The following ZMIZ1 variants were observed in gnomAD, a reference collection of about 807,000 sequenced individuals.
ZMIZ1 encodes zinc finger MIZ domain-containing protein 1.
Under a neutral mutation model 113.9 loss-of-function variants are expected in ZMIZ1, and 17 were observed. The observed-to-expected ratio is 0.15, with a 90% CI of 0.10 to 0.22. ZMIZ1 has a LOEUF of 0.22. Among genes scored for constraint, ZMIZ1 ranks in the 10% least tolerant of loss-of-function variants. The pLI is 1.00. For synonymous variants in ZMIZ1, 607 were observed against 603.1 expected, an observed-to-expected ratio of 1.01 and a Z score of -0.09; for missense variants, 1,059 against 1,477.8, an observed-to-expected ratio of 0.72 and a Z score of 4.65.
chr10:79,305,295 C>T (rs1854610550), intron 20 of ZMIZ1, 64 bp downstream of exon 20: 1 of 1,550,962 alleles, frequency 6.4e-7, no homozygotes, highest in Non-Finnish European at 8.9e-7. Flanking sequence ...GAGGGGCCAG[C>T]TACCTCCCAC....
intron 6 of ZMIZ1, among the ~76,000 whole-genome samples, chr10:79,210,822 T>C (rs2132691511): frequency 6.6e-6 from 1 of 152,144 alleles, no homozygotes; most frequent in South Asian, 2.1e-4. Flanking sequence ...GGGCAGGAGC[T>C]CTGAAGGGAG....
At chr10:79,236,005 C>T (rs1479887250) in intron 7 of ZMIZ1, among the ~76,000 whole-genome samples, 1 of 152,184 alleles carries the variant, frequency 6.6e-6, no homozygotes, top group African/African-American at 2.4e-5. Context: ...AAGAGGGAAA[C>T]AAGGGCCTCT....
intron 7 of ZMIZ1, among the ~76,000 whole-genome samples, chr10:79,243,389 A>G (rs76109311): frequency 0.63 from 93,514 of 149,266 alleles, 29,564 homozygotes; most frequent in East Asian, 0.8. Flanking sequence ...GCCTCCGCCT[A>G]TGATTGGCTT....
At chr10:79,261,544 G>A (rs12762812) in intron 7 of ZMIZ1, among the ~76,000 whole-genome samples, 13,373 of 152,200 alleles carry the variant, frequency 0.088, 1,021 homozygotes, top group African/African-American at 0.2. Context: ...TCTGTCCCTC[G>A]CCTACCTGGG....
At chr10:79,085,883 G>A (rs899029481) in intron 1 of ZMIZ1, among the ~76,000 whole-genome samples, 1 of 152,150 alleles carries the variant, frequency 6.6e-6, no homozygotes, top group Admixed American at 6.5e-5. Context: ...TCTAGGGTTG[G>A]AGTTGGATGA....
At chr10:79,216,848 C>T (rs923001679) in intron 7 of ZMIZ1, among the ~76,000 whole-genome samples, 1 of 152,248 alleles carries the variant, frequency 6.6e-6, no homozygotes, top group Non-Finnish European at 1.5e-5. Context: ...GCAACTTTGT[C>T]ATCACCTGCG....
chr10:79,169,927 G>T (rs1846530260), intron 4 of ZMIZ1, among the ~76,000 whole-genome samples: 1 of 152,166 alleles, frequency 6.6e-6, no homozygotes, highest in Non-Finnish European at 1.5e-5. Context: ...TGTTAGCTCT[G>T]GACCCAGACA....
At chr10:79,302,563 G>A (rs201255523) in intron 18 of ZMIZ1, among the ~76,000 whole-genome samples, 1 of 63,486 alleles carries the variant, frequency 1.6e-5, no homozygotes, top group Non-Finnish European at 4.2e-5. Context: ...CCTGGAGGAG[G>A]TGATGACCTG....
chr10:79,102,993 A>G (rs1260102968), intron 1 of ZMIZ1, among the ~76,000 whole-genome samples: 2 of 152,214 alleles, frequency 1.3e-5, no homozygotes, highest in Non-Finnish European at 2.9e-5. Flanking sequence ...GCTGGGGAAC[A>G]CAGAAGGACA....
At chr10:79,132,160 T>A (rs2132376978) in intron 2 of ZMIZ1, among the ~76,000 whole-genome samples, 1 of 152,312 alleles carries the variant, frequency 6.6e-6, no homozygotes, top group South Asian at 2.1e-4. Context: ...TCTCTGAGCT[T>A]TCTAATGACC....
rs1415516004 is a variant in ZMIZ1, at chr10:79,293,215, T to A, written c.958-166T>A. 4 of 802,492 alleles carry A rather than the reference T, an allele frequency of 5.0e-6. No individual in the cohort carries two copies. The African/African-American group carries it at 7.8e-5, about 16-fold the overall frequency. The allele number at this position is 802,492 out of a possible 1,614,324, so 49.7% of individuals were successfully genotyped here. ...GAGGGCAGCAGTGAGCCTGGGTGGA[T>A]CCTGCTCCCCTGGGGCCTGGTTGGT... On this transcript the variant is annotated intron_variant, in intron 11 of 24. Coordinates refer to ENST00000334512, the MANE Select transcript of ZMIZ1 (RefSeq NM_020338.4).
chr10:79,201,802 C>T, intron 5 of ZMIZ1, 110 bp downstream of exon 5: 1 of 1,206,910 alleles, frequency 8.3e-7, no homozygotes, highest in Non-Finnish European at 1.2e-6. Flanking sequence ...TCCTGACCAC[C>T]TACCTATCGA....
chr10:79,072,760 C>G (rs529138064), intron 1 of ZMIZ1, among the ~76,000 whole-genome samples: 1 of 152,236 alleles, frequency 6.6e-6, no homozygotes, highest in Non-Finnish European at 1.5e-5. Context: ...GTCACTGCTG[C>G]CTGGTCTTTA....
At chr10:79,079,224 G>C (rs1169196186) in intron 1 of ZMIZ1, among the ~76,000 whole-genome samples, 3 of 152,244 alleles carry the variant, frequency 2.0e-5, no homozygotes, top group Non-Finnish European at 4.4e-5. Flanking sequence ...CATGTCCCTA[G>C]AGACAGGCCC....
intron 8 of ZMIZ1, among the ~76,000 whole-genome samples, chr10:79,283,172 T>A (rs1852846474): frequency 6.6e-6 from 1 of 152,252 alleles, no homozygotes; most frequent in African/African-American, 2.4e-5. Flanking sequence ...GGTGCCTTCC[T>A]CCTTCTTATA....
chr10:79,079,136 G>A (rs537739549), intron 1 of ZMIZ1, among the ~76,000 whole-genome samples: 3 of 152,156 alleles, frequency 2.0e-5, no homozygotes, highest in African/African-American at 7.2e-5. Context: ...TTCTTTTTTT[G>A]TTACCAGACC....
At chr10:79,081,403 G>C (rs1485631347) in intron 1 of ZMIZ1, among the ~76,000 whole-genome samples, 1 of 152,190 alleles carries the variant, frequency 6.6e-6, no homozygotes, top group Non-Finnish European at 1.5e-5. Context: ...AGCCCAGGTT[G>C]TAAGACGTGG....
At chr10:79,201,256 C>T (rs1480782001) in intron 4 of ZMIZ1, among the ~76,000 whole-genome samples, 2 of 152,118 alleles carry the variant, frequency 1.3e-5, no homozygotes, top group African/African-American at 2.4e-5. Context: ...TGCAATGAGC[C>T]GAGATCGCGC....
intron 1 of ZMIZ1, among the ~76,000 whole-genome samples, chr10:79,092,892 T>C (rs1843027780): frequency 6.6e-6 from 1 of 151,984 alleles, no homozygotes; most frequent in East Asian, 1.9e-4. Context: ...AGATTTTGAT[T>C]TTCTGATAAT....
Sources: gnomAD v4.1 joint callset for allele counts (sites outside exome capture counted in the v4.1 genomes callset) on GRCh38, gnomAD v4.1.1 for gene constraint, MANE v1.5 for transcripts, NCBI Gene and HGNC (gene_info 2026-07-23, HGNC 2026-07-21) for gene names.